The following STS variants were observed in gnomAD, a reference collection of about 807,000 sequenced individuals.
STS encodes steroid sulfatase.
STS carries 7 observed loss-of-function variants against 26.8 expected under a neutral mutation model. The observed-to-expected ratio is 0.26, with a 90% confidence interval of 0.15 to 0.49. STS has a LOEUF of 0.49. STS is among the 20% of genes least tolerant of loss of function. The probability of loss-of-function intolerance (pLI) is 0.98; values close to 1 mark genes in which losing one functional copy is unlikely to be tolerated. For synonymous variants in STS, 199 were observed against 189.4 expected (o/e 1.05, Z -0.42); for missense variants, 434 against 465.6 (o/e 0.93, Z 0.63).
intron 9 of STS, among the ~76,000 whole-genome samples, chrX:7,327,838 G>A (rs1927554566): frequency 8.9e-6 from 1 of 112,008 alleles, no homozygotes; most frequent in Non-Finnish European, 1.9e-5. Context: ...GTACAAAGAA[G>A]GCATGAATGT....
chrX:7,318,033 G>A (rs958904308), intron 8 of STS, among the ~76,000 whole-genome samples: 14 of 111,850 alleles, frequency 1.3e-4, no homozygotes, highest in Non-Finnish European at 1.7e-4. Context: ...TCAATTACTG[G>A]CTGTGTAACC....
intron 8 of STS, among the ~76,000 whole-genome samples, chrX:7,324,271 G>C (rs1321445670): frequency 3.6e-5 from 4 of 110,764 alleles, no homozygotes; most frequent in Non-Finnish European, 5.7e-5. Flanking sequence ...CAATAGAAGG[G>C]AGTGTCTGGG....
intron 2 of STS, among the ~76,000 whole-genome samples, chrX:7,252,843 G>A (rs182992805): frequency 8.9e-6 from 1 of 111,806 alleles, no homozygotes; most frequent in Admixed American, 9.5e-5. Context: ...AAAGGTTTCT[G>A]TGTTTCCCTT....
At chrX:7,240,385 T>C (rs949659409) in intron 2 of STS, among the ~76,000 whole-genome samples, 2 of 104,922 alleles carry the variant, frequency 1.9e-5, no homozygotes, top group Non-Finnish European at 3.9e-5. Flanking sequence ...TCAATTTCAA[T>C]AAAATGGTCT....
At chrX:7,203,442 G>T (rs1321492477) in intron 2 of STS, among the ~76,000 whole-genome samples, 2 of 111,694 alleles carry the variant, frequency 1.8e-5, no homozygotes, top group Non-Finnish European at 3.8e-5. Flanking sequence ...CTAAATTAGG[G>T]TCTCTTTAGG....
intron 2 of STS, among the ~76,000 whole-genome samples, chrX:7,218,828 T>C (rs1467299367): frequency 8.9e-6 from 1 of 111,858 alleles, no homozygotes; most frequent in Non-Finnish European, 1.9e-5. Flanking sequence ...TGTTTTGTCA[T>C]GGTTGCTGAG....
intron 10 of STS, among the ~76,000 whole-genome samples, chrX:7,337,028 G>C (rs1928066626): frequency 9.0e-6 from 1 of 111,274 alleles, no homozygotes; most frequent in Non-Finnish European, 1.9e-5. Context: ...GCCTTGAACT[G>C]GTAACAAAAA....
At chrX:7,201,141 A>T (rs1173683108) in intron 2 of STS, among the ~76,000 whole-genome samples, 1 of 111,599 alleles carries the variant, frequency 9.0e-6, no homozygotes, top group Non-Finnish European at 1.9e-5. Context: ...GATGGATGAT[A>T]GGCAGACAGA....
At chrX:7,162,737 G>A (rs763614060) in intron 1 of STS, among the ~76,000 whole-genome samples, 1 of 108,587 alleles carries the variant, frequency 9.2e-6, no homozygotes, top group East Asian at 2.9e-4. Flanking sequence ...TCTCTGGCCT[G>A]AAATAAGCAT....
chrX:7,247,270 A>G (rs1428198996), intron 2 of STS, among the ~76,000 whole-genome samples: 1 of 112,185 alleles, frequency 8.9e-6, no homozygotes, highest in Admixed American at 9.5e-5. Context: ...CACTTTGCAA[A>G]GCTTAGGAAT....
chrX:7,259,044 C>G (rs1206687894), intron 5 of STS, among the ~76,000 whole-genome samples: 1 of 111,196 alleles, frequency 9.0e-6, no homozygotes, highest in Non-Finnish European at 1.9e-5. Flanking sequence ...GTTGAAATCA[C>G]TAAATTAGTT....
intron 7 of STS, among the ~76,000 whole-genome samples, chrX:7,301,934 C>T (rs1477297590): frequency 1.8e-5 from 2 of 111,613 alleles, no homozygotes; most frequent in Admixed American, 1.9e-4. Flanking sequence ...CTGGATGTAC[C>T]ACAGTTTATT....
intron 2 of STS, among the ~76,000 whole-genome samples, chrX:7,235,131 C>A: frequency 8.9e-6 from 1 of 112,037 alleles, no homozygotes; most frequent in Middle Eastern, 4.6e-3. Context: ...TGGTTCATAG[C>A]AAAGCATTTG....
intron 2 of STS, among the ~76,000 whole-genome samples, chrX:7,218,066 G>A (rs1921383649): frequency 9.0e-6 from 1 of 111,178 alleles, no homozygotes; most frequent in Non-Finnish European, 1.9e-5. Flanking sequence ...ATTCCTCTCT[G>A]CATTTCTCAG....
chrX:7,309,878 A>G (rs1356658676), intron 8 of STS, among the ~76,000 whole-genome samples: 1 of 111,537 alleles, frequency 9.0e-6, no homozygotes, highest in Non-Finnish European at 1.9e-5. Flanking sequence ...GGAAATTGGG[A>G]AATAAGGGTA....
chrX:7,184,634 C>A (rs1196497882), intron 1 of STS, among the ~76,000 whole-genome samples: 1 of 111,672 alleles, frequency 9.0e-6, no homozygotes. Context: ...TCATCTGAAG[C>A]CCTGAGAGCC....
At chrX:7,194,062 G>A (rs1214859576) in intron 2 of STS, among the ~76,000 whole-genome samples, 5 of 110,767 alleles carry the variant, frequency 4.5e-5, no homozygotes, top group East Asian at 2.8e-4. Context: ...GCGCCACCAC[G>A]CCCGGCTAAT....
intron 2 of STS, among the ~76,000 whole-genome samples, chrX:7,239,487 A>C (rs1173678113): frequency 8.9e-6 from 1 of 111,915 alleles, no homozygotes; most frequent in Non-Finnish European, 1.9e-5. Flanking sequence ...CACATTGTTA[A>C]TTTTCTTCTA....
intron 9 of STS, among the ~76,000 whole-genome samples, chrX:7,328,852 C>A (rs780182845): frequency 7.2e-5 from 8 of 111,094 alleles, no homozygotes; most frequent in Non-Finnish European, 3.8e-5. Flanking sequence ...CGCACCATCA[C>A]GCCCAGCTAA....
Sources: allele counts gnomAD v4.1 joint callset (sites outside exome capture counted in the v4.1 genomes callset), GRCh38; gene constraint gnomAD v4.1.1; transcripts MANE v1.5; gene names NCBI Gene and HGNC (gene_info 2026-07-23, HGNC 2026-07-21).